Variants in INPP4B observed in about 807,000 individuals in gnomAD.
INPP4B encodes inositol polyphosphate 4-phosphatase type II.
Under a neutral mutation model 122.5 loss-of-function variants are expected in INPP4B, and 55 were observed. The observed-to-expected ratio is 0.45, with a 90% CI of 0.36 to 0.56. The LOEUF is 0.56. INPP4B is among the 20% of genes least tolerant of loss of function. INPP4B has a pLI of 0.00. For missense variants in INPP4B, 1,000 were observed against 1,097.7 expected (o/e 0.91, Z 1.26); for synonymous variants, 403 against 388.7 (o/e 1.04, Z -0.43).
intron 2 of INPP4B, among the ~76,000 whole-genome samples, chr4:142,669,326 T>A (rs1479903108): frequency 6.6e-6 from 1 of 152,054 alleles, no homozygotes; most frequent in Non-Finnish European, 1.5e-5. Context: ...CCAAAATTCA[T>A]ATGACACCAC....
intron 2 of INPP4B, among the ~76,000 whole-genome samples, chr4:142,518,349 C>T (rs1291639057): frequency 3.3e-5 from 5 of 152,054 alleles, no homozygotes. Flanking sequence ...CTTATAAGCA[C>T]AAACATTAAT....
At chr4:142,284,539 T>C (rs115295781) in intron 9 of INPP4B, among the ~76,000 whole-genome samples, 2,589 of 152,016 alleles carry the variant, frequency 0.017, 68 homozygotes, top group African/African-American at 0.058. Flanking sequence ...AGCTGATAGG[T>C]TGGTAAATGT....
At chr4:142,342,262 G>A (rs1273190743) in intron 7 of INPP4B, among the ~76,000 whole-genome samples, 1 of 152,008 alleles carries the variant, frequency 6.6e-6, no homozygotes, top group Admixed American at 6.6e-5. Flanking sequence ...GTTAAATCTT[G>A]GAAGAGTAAA....
chr4:142,222,624 A>G (rs1849810525), intron 12 of INPP4B, among the ~76,000 whole-genome samples: 1 of 152,230 alleles, frequency 6.6e-6, no homozygotes, highest in African/African-American at 2.4e-5. Flanking sequence ...TACAAATAAC[A>G]AAACTGAGGA....
intron 1 of INPP4B, among the ~76,000 whole-genome samples, chr4:142,754,896 T>C (rs1209873251): frequency 1.3e-5 from 2 of 152,062 alleles, no homozygotes; most frequent in South Asian, 4.1e-4. Context: ...TAGACTGACA[T>C]GTGTGCAGAA....
chr4:142,532,046 A>G (rs1827676071), intron 2 of INPP4B, among the ~76,000 whole-genome samples: 1 of 152,140 alleles, frequency 6.6e-6, no homozygotes, highest in South Asian at 2.1e-4. Flanking sequence ...GGCTGCTGCA[A>G]TATTTTTCAA....
At chr4:142,179,759 C>T (rs1189859742) in intron 15 of INPP4B, among the ~76,000 whole-genome samples, 2 of 152,106 alleles carry the variant, frequency 1.3e-5, no homozygotes, top group Non-Finnish European at 2.9e-5. Flanking sequence ...TTTCCAGGTA[C>T]TATTATATGA....
At chr4:142,521,117 T>C (rs1826014996) in intron 2 of INPP4B, among the ~76,000 whole-genome samples, 1 of 151,962 alleles carries the variant, frequency 6.6e-6, no homozygotes, top group Non-Finnish European at 1.5e-5. Context: ...AATAAGACTT[T>C]GGTCTCGGTA....
At chr4:142,094,549 G>A (rs763426133) in intron 23 of INPP4B, among the ~76,000 whole-genome samples, 5 of 152,294 alleles carry the variant, frequency 3.3e-5, no homozygotes, top group East Asian at 3.9e-4. Flanking sequence ...CTCCCTGCCC[G>A]TGCAAGAGCC....
chr4:142,600,195 ATCT>A (rs1265049678), intron 2 of INPP4B, among the ~76,000 whole-genome samples: 1 of 152,102 alleles, frequency 6.6e-6, no homozygotes, highest in East Asian at 1.9e-4. Context: ...AATGCCACAA[ATCT>A]TCTCCACGGT....
At chr4:142,299,751 T>C (rs1760581032) in intron 9 of INPP4B, among the ~76,000 whole-genome samples, 1 of 152,094 alleles carries the variant, frequency 6.6e-6, no homozygotes, top group Non-Finnish European at 1.5e-5. Flanking sequence ...CGTGGAAAAC[T>C]CTTACTGTTG....
At chr4:142,535,647 C>T (rs12504375) in intron 2 of INPP4B, among the ~76,000 whole-genome samples, 33,690 of 152,104 alleles carry the variant, frequency 0.22, 4,887 homozygotes, top group East Asian at 0.77. Context: ...TCCACACAAA[C>T]TGTTTGGTGC....
chr4:142,162,329 A>G (rs1820540663), intron 16 of INPP4B, among the ~76,000 whole-genome samples: 1 of 151,730 alleles, frequency 6.6e-6, no homozygotes, highest in Non-Finnish European at 1.5e-5. Context: ...AAAAAAACTG[A>G]TGGAAAAATT....
intron 16 of INPP4B, among the ~76,000 whole-genome samples, chr4:142,170,388 T>A (rs1825021091): frequency 6.6e-6 from 1 of 151,698 alleles, no homozygotes; most frequent in Admixed American, 6.6e-5. Context: ...TGTGAAATTT[T>A]AATAGTACTC....
intron 2 of INPP4B, among the ~76,000 whole-genome samples, chr4:142,517,965 T>A (rs1825619290): frequency 6.6e-6 from 1 of 152,214 alleles, no homozygotes. Flanking sequence ...TCACTGTCTT[T>A]ACTAATAAAT....
At chr4:142,515,366 A>C (rs1825293865) in intron 2 of INPP4B, among the ~76,000 whole-genome samples, 1 of 152,166 alleles carries the variant, frequency 6.6e-6, no homozygotes, top group Non-Finnish European at 1.5e-5. Context: ...TGGGTCATGA[A>C]AACGAAATGC....
At chr4:142,375,885 C>T (rs13138212) in intron 7 of INPP4B, among the ~76,000 whole-genome samples, 43,295 of 151,596 alleles carry the variant, frequency 0.29, 7,434 homozygotes, top group South Asian at 0.44. Context: ...CTTTTTGCTG[C>T]GTGAGGGAAA....
At chr4:142,694,390 A>G (rs1279676156) in intron 2 of INPP4B, among the ~76,000 whole-genome samples, 1 of 151,666 alleles carries the variant, frequency 6.6e-6, no homozygotes, top group African/African-American at 2.4e-5. Flanking sequence ...AAAACAAAAA[A>G]GAAAAAAAGA....
At chr4:142,489,025 T>C (rs575057098) in intron 2 of INPP4B, among the ~76,000 whole-genome samples, 8 of 152,284 alleles carry the variant, frequency 5.3e-5, no homozygotes, top group African/African-American at 1.9e-4. Context: ...CTTTTCTAGC[T>C]TCTCCCCACA....
Sources: gnomAD v4.1 joint callset for allele counts (sites outside exome capture counted in the v4.1 genomes callset) on GRCh38, gnomAD v4.1.1 for gene constraint, MANE v1.5 for transcripts, NCBI Gene and HGNC (gene_info 2026-07-23, HGNC 2026-07-21) for gene names.